MACROD2: variants seen among roughly 807,000 people sequenced by gnomAD.
MACROD2 encodes mono-ADP ribosylhydrolase 2.
Under a neutral mutation model 70.4 loss-of-function variants are expected in MACROD2, and 36 were observed. The observed-to-expected ratio is 0.51, with a 90% CI of 0.39 to 0.68. The LOEUF (loss-of-function observed/expected upper bound fraction) is 0.68, where lower values mean the gene tolerates loss of function less well. MACROD2 is among the 30% of genes least tolerant of loss of function. The pLI is 0.00. For missense variants in MACROD2, 496 were observed against 538.4 expected (o/e 0.92, Z 0.78); for synonymous variants, 172 against 178.8 (o/e 0.96, Z 0.30).
At chr20:14,201,629 C>T (rs1021988320) in intron 3 of MACROD2, among the ~76,000 whole-genome samples, 1 of 151,942 alleles carries the variant, frequency 6.6e-6, no homozygotes, top group South Asian at 2.1e-4. Context: ...CTCACGAGGT[C>T]AGGAGTTAAA....
chr20:15,804,089 A>G (rs2063748525), intron 8 of MACROD2, among the ~76,000 whole-genome samples: 2 of 152,098 alleles, frequency 1.3e-5, no homozygotes, highest in South Asian at 2.1e-4. Context: ...TATTTCCCCA[A>G]CTCAGTGCTT....
chr20:15,400,447 T>C (rs1050901757), intron 6 of MACROD2, among the ~76,000 whole-genome samples: 10 of 152,228 alleles, frequency 6.6e-5, no homozygotes, highest in African/African-American at 1.7e-4. Context: ...TTAGAACTTA[T>C]GTCATCATTT....
intron 4 of MACROD2, among the ~76,000 whole-genome samples, chr20:14,578,675 C>A (rs1226847757): frequency 1.3e-5 from 2 of 152,094 alleles, no homozygotes; most frequent in Admixed American, 6.6e-5. Context: ...AATATTACAA[C>A]CAAATATCAG....
intron 8 of MACROD2, among the ~76,000 whole-genome samples, chr20:15,787,950 T>A (rs1568561272): frequency 6.6e-6 from 1 of 152,230 alleles, no homozygotes; most frequent in South Asian, 2.1e-4. Flanking sequence ...ATTGATTTTT[T>A]AAGTCTATAT....
At chr20:15,263,073 G>A (rs1398790006) in intron 6 of MACROD2, among the ~76,000 whole-genome samples, 1 of 151,902 alleles carries the variant, frequency 6.6e-6, no homozygotes, top group East Asian at 1.9e-4. Context: ...TTTTTGCTTT[G>A]GTTGTCTGTG....
At chr20:14,728,549 T>A (rs1196968531) in intron 5 of MACROD2, among the ~76,000 whole-genome samples, 1 of 152,212 alleles carries the variant, frequency 6.6e-6, no homozygotes, top group Admixed American at 6.5e-5. Context: ...TATGAGACAC[T>A]ATTTTACCAT....
intron 8 of MACROD2, among the ~76,000 whole-genome samples, chr20:15,623,795 G>C (rs1568935434): frequency 1.3e-5 from 2 of 151,592 alleles, no homozygotes; most frequent in Non-Finnish European, 2.9e-5. Context: ...TCTATCTACT[G>C]TCTATCTCTA....
intron 7 of MACROD2, among the ~76,000 whole-genome samples, chr20:15,484,794 A>G (rs2047143840): frequency 6.6e-6 from 1 of 152,156 alleles, no homozygotes; most frequent in Non-Finnish European, 1.5e-5. Context: ...CATCATTCAG[A>G]CTGGTCCACA....
At chr20:15,051,221 C>A (rs1568549860) in intron 5 of MACROD2, among the ~76,000 whole-genome samples, 2 of 152,104 alleles carry the variant, frequency 1.3e-5, no homozygotes. Flanking sequence ...TCCAAATGAA[C>A]AGAGTCATTT....
At chr20:14,644,295 A>C (rs531083144) in intron 4 of MACROD2, among the ~76,000 whole-genome samples, 2 of 152,314 alleles carry the variant, frequency 1.3e-5, no homozygotes, top group East Asian at 3.9e-4. Flanking sequence ...ATCTACAGTA[A>C]ATCTGTTAGA....
chr20:15,105,805 T>C (rs1265648138), intron 5 of MACROD2, among the ~76,000 whole-genome samples: 2 of 152,108 alleles, frequency 1.3e-5, no homozygotes, highest in Non-Finnish European at 2.9e-5. Context: ...ACAAATATTT[T>C]ATTAGTAGTC....
At chr20:14,045,439 G>C (rs943665543) in intron 2 of MACROD2, among the ~76,000 whole-genome samples, 2 of 152,242 alleles carry the variant, frequency 1.3e-5, no homozygotes, top group African/African-American at 2.4e-5. Context: ...CTTCATAAGG[G>C]TATGGGATTG....
intron 3 of MACROD2, among the ~76,000 whole-genome samples, chr20:14,238,094 G>T (rs1330588906): frequency 6.6e-6 from 1 of 152,108 alleles, no homozygotes; most frequent in Non-Finnish European, 1.5e-5. Flanking sequence ...GGTCTTTCTA[G>T]TTCTAGATCC....
chr20:15,523,019 C>T (rs76231543), intron 8 of MACROD2, among the ~76,000 whole-genome samples: 1,858 of 152,198 alleles, frequency 0.012, 19 homozygotes, highest in Non-Finnish European at 0.016. Context: ...ACAAGTTAAA[C>T]TGGGGAAGAT....
intron 4 of MACROD2, among the ~76,000 whole-genome samples, chr20:14,560,308 TACACAC>T (rs1232499100): frequency 2.4e-4 from 36 of 147,446 alleles, no homozygotes; most frequent in South Asian, 4.4e-4. Flanking sequence ...GTACTTAATG[TACACAC>T]ACACACACAC....
At chr20:14,861,293 A>C (rs979736592) in intron 5 of MACROD2, among the ~76,000 whole-genome samples, 1 of 152,118 alleles carries the variant, frequency 6.6e-6, no homozygotes, top group East Asian at 1.9e-4. Flanking sequence ...GAGGAAGGGC[A>C]TCCTGCAGAG....
intron 5 of MACROD2, among the ~76,000 whole-genome samples, chr20:14,719,504 A>G (rs2071439255): frequency 6.6e-6 from 1 of 151,892 alleles, no homozygotes; most frequent in Admixed American, 6.6e-5. Flanking sequence ...AAGAAAGAAA[A>G]AGAAAATAAA....
At chr20:14,748,697 C>T (rs1467927066) in intron 5 of MACROD2, among the ~76,000 whole-genome samples, 1 of 152,060 alleles carries the variant, frequency 6.6e-6, no homozygotes, top group Non-Finnish European at 1.5e-5. Flanking sequence ...TGTATTAGTA[C>T]CTATGAACTT....
Position 14,568,936 on chromosome 20 carries a change from A to G in MACROD2, c.301+75428A>G, listed in dbSNP as rs150106878. On this transcript the variant is annotated intron_variant, in intron 4 of 17. Coordinates refer to ENST00000684519, the MANE Select transcript of MACROD2 (RefSeq NM_001351661.2). ...AACTGCTACAGCCCCAGTCAGCATT[A>G]AGGTTACCAAACCATGAGGGAGGAC... Among the ~76,000 whole-genome samples the G allele has an allele frequency of 2.6e-5, 4 of 152,102 alleles. No individual in the cohort carries two copies. The East Asian group carries it at 7.8e-4, about 29-fold the overall frequency.
Sources: gnomAD v4.1 joint callset for allele counts (sites outside exome capture counted in the v4.1 genomes callset) on GRCh38, gnomAD v4.1.1 for gene constraint, MANE v1.5 for transcripts, NCBI Gene and HGNC (gene_info 2026-07-23, HGNC 2026-07-21) for gene names.